NEO1: variants seen among roughly 807,000 people sequenced by gnomAD.
The protein encoded by NEO1 is neogenin 1.
In NEO1, 63 loss-of-function variants were observed where a neutral mutation model predicts 159.7. That is an observed-to-expected ratio of 0.39 (90% CI 0.32 to 0.49). The LOEUF is 0.49. NEO1 is among the 20% of genes least tolerant of loss of function. NEO1 has a pLI of 0.85. For synonymous variants in NEO1, 633 were observed against 662.0 expected (o/e 0.96, Z 0.67); for missense variants, 1,615 against 1,831.0 (o/e 0.88, Z 2.15).
chr15:73,298,033 T>C (rs186465813), intron 26 of NEO1, among the ~76,000 whole-genome samples: 2 of 152,368 alleles, frequency 1.3e-5, no homozygotes, highest in Non-Finnish European at 2.9e-5. Context: ...TTTATACTTA[T>C]TTATATCTTA....
At chr15:73,105,052 C>G (rs139099889) in intron 1 of NEO1, among the ~76,000 whole-genome samples, 114 of 152,248 alleles carry the variant, frequency 7.5e-4, no homozygotes, top group Non-Finnish European at 8.2e-4. Context: ...AATGTGGTCA[C>G]TTTATTAATT....
intron 5 of NEO1, chr15:73,143,661 T>A (rs2032625551): frequency 6.5e-6 from 1 of 152,736 alleles, no homozygotes; most frequent in Admixed American, 6.5e-5. Context: ...GAGTAAATTC[T>A]TAGCACTTTC....
chr15:73,193,189 C>T lies in NEO1; in HGVS notation c.1291+14762C>T, dbSNP rs184260138. ...TTTAAAAACTAATTTGTTTTGTTAA[C>T]CAAGTACTTAATATGTTGAGTACAT... On this transcript the variant is annotated intron_variant, in intron 7 of 28. Transcript: ENST00000261908. Among the ~76,000 whole-genome samples the T allele has an allele frequency of 2.4e-3, 361 of 152,012 alleles. 2 individuals carry two copies. Among genetic ancestry groups the T allele is most frequent in the African/African-American group, 8.3e-3 (345 of 41,498 alleles).
At chr15:73,181,076 A>G (rs1347906260) in intron 7 of NEO1, among the ~76,000 whole-genome samples, 1 of 152,214 alleles carries the variant, frequency 6.6e-6, no homozygotes. Context: ...CTGTGTGATC[A>G]GGGAATTTTT....
Position 73,184,756 on chromosome 15 carries a change from C to T in NEO1, c.1291+6329C>T, listed in dbSNP as rs993669270. Reference sequence around the variant, plus strand: ...CAGCTTGGCCAACTTGGCAAAACCCCGTGTCTACTAAAAATACAAAAATTA... The same window carrying T: ...CAGCTTGGCCAACTTGGCAAAACCCTGTGTCTACTAAAAATACAAAAATTA... On this transcript the variant is annotated intron_variant, in intron 7 of 28. Coordinates refer to ENST00000261908, the MANE Select transcript of NEO1 (RefSeq NM_002499.4). Among the ~76,000 whole-genome samples, 14 of 152,064 alleles carry T rather than the reference C, an allele frequency of 9.2e-5. No individual in the cohort carries two copies. The East Asian group carries it at 1.4e-3, about 15-fold the overall frequency.
intron 23 of NEO1, 48 bp from the exon 24 acceptor site, chr15:73,288,265 C>G (rs913726342): frequency 6.5e-7 from 1 of 1,540,634 alleles, no homozygotes; most frequent in South Asian, 1.1e-5. Context: ...TTGACAAATA[C>G]GTTCAAATGA....
chr15:73,238,840 A>G (rs951708336), intron 8 of NEO1, among the ~76,000 whole-genome samples: 4 of 150,920 alleles, frequency 2.7e-5, no homozygotes, highest in African/African-American at 9.8e-5. Flanking sequence ...GTTTGTTTTT[A>G]TTTTGTTTTG....
At chr15:73,177,320 A>G (rs1220831082) in intron 6 of NEO1, among the ~76,000 whole-genome samples, 1 of 152,166 alleles carries the variant, frequency 6.6e-6, no homozygotes, top group African/African-American at 2.4e-5. Flanking sequence ...GATCAGAACT[A>G]TAGTTGTTAA....
At chr15:73,193,207 G>T (rs1029048731) in intron 7 of NEO1, among the ~76,000 whole-genome samples, 3 of 151,962 alleles carry the variant, frequency 2.0e-5, no homozygotes, top group African/African-American at 7.3e-5. Context: ...TTAATATGTT[G>T]AGTACATGTG....
chr15:73,300,623 C>T (rs1310569733), intron 27 of NEO1, among the ~76,000 whole-genome samples: 1 of 152,042 alleles, frequency 6.6e-6, no homozygotes, highest in South Asian at 2.1e-4. Context: ...CCCAGCTACT[C>T]GGGAGGCTGA....
At chr15:73,085,335 C>G (rs1046844721) in intron 1 of NEO1, among the ~76,000 whole-genome samples, 3 of 152,090 alleles carry the variant, frequency 2.0e-5, no homozygotes, top group African/African-American at 4.8e-5. Context: ...AGTAGTATTC[C>G]ATTGTATGAA....
At chr15:73,149,972 G>T (rs886434456) in intron 5 of NEO1, among the ~76,000 whole-genome samples, 1 of 152,090 alleles carries the variant, frequency 6.6e-6, no homozygotes, top group Non-Finnish European at 1.5e-5. Flanking sequence ...ATCAACTGTA[G>T]GTTTGTACCC....
intron 7 of NEO1, among the ~76,000 whole-genome samples, chr15:73,233,727 C>T (rs907268436): frequency 6.6e-6 from 1 of 152,118 alleles, no homozygotes; most frequent in Non-Finnish European, 1.5e-5. Context: ...TGTTATCACT[C>T]ATTACTCCCA....
intron 14 of NEO1, 115 bp from the exon 15 acceptor site, chr15:73,260,156 G>A (rs557734128): frequency 8.9e-6 from 7 of 789,472 alleles, no homozygotes; most frequent in Middle Eastern, 4.3e-4. Context: ...TGGGCATAAT[G>A]TAAAAAACTT....
chr15:73,245,472 C>T (rs1463325484), intron 9 of NEO1, among the ~76,000 whole-genome samples: 1 of 152,010 alleles, frequency 6.6e-6, no homozygotes, highest in East Asian at 1.9e-4. Context: ...ACTATAGGAC[C>T]GAAATTACAA....
chr15:73,140,689 T>G (rs900041288), intron 5 of NEO1, among the ~76,000 whole-genome samples: 1 of 152,182 alleles, frequency 6.6e-6, no homozygotes, highest in Non-Finnish European at 1.5e-5. Flanking sequence ...TTACTGGGAA[T>G]AATTCAAATC....
At chr15:73,078,385 T>A (rs951329214) in intron 1 of NEO1, among the ~76,000 whole-genome samples, 4 of 152,232 alleles carry the variant, frequency 2.6e-5, no homozygotes, top group Non-Finnish European at 5.9e-5. Flanking sequence ...TTGAATGTTC[T>A]GTAGATTTTT....
At chr15:73,133,262 A>G (rs368836947) in intron 4 of NEO1, among the ~76,000 whole-genome samples, 1 of 152,154 alleles carries the variant, frequency 6.6e-6, no homozygotes, top group Non-Finnish European at 1.5e-5. Flanking sequence ...CCTGGATTGA[A>G]TGGGAGACCA....
chr15:73,143,009 G>A (rs909178800), intron 5 of NEO1, among the ~76,000 whole-genome samples: 1 of 152,162 alleles, frequency 6.6e-6, no homozygotes, highest in East Asian at 1.9e-4. Flanking sequence ...AAGGCTTATG[G>A]CATATAGTTT....
Sources: allele counts gnomAD v4.1 joint callset (sites outside exome capture counted in the v4.1 genomes callset), GRCh38; gene constraint gnomAD v4.1.1; transcripts MANE v1.5; gene names NCBI Gene and HGNC (gene_info 2026-07-23, HGNC 2026-07-21).